The following CRPPA variants were observed in gnomAD, a reference collection of about 807,000 sequenced individuals.
CRPPA encodes the protein D-ribitol-5-phosphate cytidylyltransferase.
Under a neutral mutation model 52.0 loss-of-function variants are expected in CRPPA, and 43 were observed. The ratio of observed to expected loss-of-function variants is 0.83; its 90% CI spans 0.65 to 1.07. CRPPA has a LOEUF of 1.07. Among genes scored for constraint, CRPPA ranks in the 50% least tolerant of loss-of-function variants. The pLI is 0.00. For synonymous variants in CRPPA, 250 were observed against 203.5 expected (o/e 1.23, Z -1.94); for missense variants, 629 against 551.7 (o/e 1.14, Z -1.40).
chr7:16,374,003 C>T (rs778666988), intron 3 of CRPPA, among the ~76,000 whole-genome samples: 2 of 152,116 alleles, frequency 1.3e-5, no homozygotes, highest in African/African-American at 2.4e-5. Flanking sequence ...ACCTTGGTTA[C>T]AATTGCCAGA....
chr7:16,213,316 ATTAT>A, intron 9 of CRPPA, among the ~76,000 whole-genome samples: 1 of 152,322 alleles, frequency 6.6e-6, no homozygotes, highest in African/African-American at 2.4e-5. Flanking sequence ...TACACATAGA[ATTAT>A]TTAAGATTAT....
rs955315297 is a variant in CRPPA, at chr7:16,333,296, A to T, written c.685-24669T>A. Among the ~76,000 whole-genome samples, 3 of 152,318 alleles carry T rather than the reference A, an allele frequency of 2.0e-5. No individual in the cohort carries two copies. The South Asian group carries it at 6.2e-4, about 32-fold the overall frequency. On this transcript the variant is annotated intron_variant, in intron 3 of 9. Coordinates refer to ENST00000407010, the MANE Select transcript of CRPPA (RefSeq NM_001101426.4). ...AGAATTGATATCTATTGACTACTTC[A>T]TCCAACATCATCAAAACACATGTGC...
chr7:16,392,807 C>T (rs918965205), intron 2 of CRPPA, among the ~76,000 whole-genome samples: 1 of 152,074 alleles, frequency 6.6e-6, no homozygotes, highest in African/African-American at 2.4e-5. Context: ...CCCTCTCATA[C>T]ACCCAGCCTC....
intron 8 of CRPPA, among the ~76,000 whole-genome samples, chr7:16,243,789 G>A (rs892892682): frequency 6.6e-6 from 1 of 152,034 alleles, no homozygotes; most frequent in Non-Finnish European, 1.5e-5. Flanking sequence ...AGCACAACAA[G>A]ACCTCATCTC....
chr7:16,363,094 A>G (rs1036356361), intron 3 of CRPPA, among the ~76,000 whole-genome samples: 1 of 152,190 alleles, frequency 6.6e-6, no homozygotes, highest in South Asian at 2.1e-4. Flanking sequence ...TGAAATGTTA[A>G]TTATCAACTA....
intron 5 of CRPPA, among the ~76,000 whole-genome samples, chr7:16,286,069 AT>A (rs1562608541): frequency 0.043 from 1,355 of 31,694 alleles, 132 homozygotes; most frequent in Non-Finnish European, 0.063. Context: ...ATATATATAT[AT>A]ATATATATAT....
intron 3 of CRPPA, among the ~76,000 whole-genome samples, chr7:16,319,216 G>T (rs777729627): frequency 1.6e-4 from 25 of 152,134 alleles, no homozygotes; most frequent in Non-Finnish European, 2.8e-4. Flanking sequence ...GTATGCTTAT[G>T]ACTCATTCAA....
At chr7:16,282,658 G>GA (rs1466825485) in intron 5 of CRPPA, among the ~76,000 whole-genome samples, 2 of 151,960 alleles carry the variant, frequency 1.3e-5, no homozygotes, top group Non-Finnish European at 2.9e-5. Flanking sequence ...CAAAAATTAA[G>GA]AAAAAATATG....
intron 1 of CRPPA, 38 bp from the exon 2 acceptor site, chr7:16,406,375 C>T: frequency 6.4e-7 from 1 of 1,554,950 alleles, no homozygotes; most frequent in Non-Finnish European, 8.8e-7. Context: ...TAAATTAATT[C>T]TTAGACAACT....
intron 8 of CRPPA, among the ~76,000 whole-genome samples, chr7:16,246,248 C>T (rs1218126461): frequency 6.6e-6 from 1 of 152,182 alleles, no homozygotes; most frequent in Admixed American, 6.6e-5. Flanking sequence ...CAAGAAACCA[C>T]TTTCTCTTTG....
At chr7:16,404,118 T>A in intron 2 of CRPPA, among the ~76,000 whole-genome samples, 1 of 152,206 alleles carries the variant, frequency 6.6e-6, no homozygotes, top group East Asian at 1.9e-4. Flanking sequence ...CATGGATGTA[T>A]ATAAAACTCA....
intron 9 of CRPPA, among the ~76,000 whole-genome samples, chr7:16,167,598 G>A (rs976045476): frequency 2.6e-5 from 4 of 152,134 alleles, no homozygotes; most frequent in Admixed American, 1.3e-4. Context: ...AAATGGGCTT[G>A]TGAATATTCC....
At chr7:16,408,116 A>T (rs75711652) in intron 1 of CRPPA, among the ~76,000 whole-genome samples, 4,574 of 149,604 alleles carry the variant, frequency 0.031, 255 homozygotes, top group African/African-American at 0.11. Flanking sequence ...TTTAAAAAAA[A>T]AAAAATAAAA....
intron 5 of CRPPA, among the ~76,000 whole-genome samples, chr7:16,279,459 A>G (rs1175927514): frequency 6.6e-6 from 1 of 152,190 alleles, no homozygotes; most frequent in Non-Finnish European, 1.5e-5. Context: ...CAGAGAAGTA[A>G]TTTGCCCAAG....
At chr7:16,200,014 C>A (rs141046072) in intron 9 of CRPPA, among the ~76,000 whole-genome samples, 3 of 151,914 alleles carry the variant, frequency 2.0e-5, no homozygotes, top group African/African-American at 7.3e-5. Flanking sequence ...GACAACACCA[C>A]GCCCAGTTAA....
At chr7:16,154,299 C>T (rs990979099) in intron 9 of CRPPA, among the ~76,000 whole-genome samples, 1 of 151,958 alleles carries the variant, frequency 6.6e-6, no homozygotes. Context: ...ACGTGTGCCA[C>T]GGTGGTTTGC....
chr7:16,152,024 C>T (rs1458121590), intron 9 of CRPPA, among the ~76,000 whole-genome samples: 1 of 151,828 alleles, frequency 6.6e-6, no homozygotes, highest in Non-Finnish European at 1.5e-5. Context: ...TCTGAAGAAA[C>T]TCAGAATGGC....
chr7:16,264,017 C>T (rs953763738), intron 6 of CRPPA, among the ~76,000 whole-genome samples: 1 of 152,038 alleles, frequency 6.6e-6, no homozygotes, highest in African/African-American at 2.4e-5. Context: ...AATTGAGACT[C>T]TTAATAATTG....
In CRPPA at chr7:16,352,715, T is replaced by C. The variant is rs543637032; in HGVS notation, c.684+23377A>G. Among the ~76,000 whole-genome samples, 194 of 152,238 alleles carry C rather than the reference T, an allele frequency of 1.3e-3. 1 individual carries two copies. The Middle Eastern group carries it at 0.02, about 16-fold the overall frequency. On this transcript the variant is annotated intron_variant, in intron 3 of 9. Coordinates refer to ENST00000407010, the MANE Select transcript of CRPPA (RefSeq NM_001101426.4). ...GAAGTTTCCTCAAAAAATAGAATTA[T>C]TATATGATCCAGCAATCCCACTTCT...
Sources: allele counts gnomAD v4.1 joint callset (sites outside exome capture counted in the v4.1 genomes callset), GRCh38; gene constraint gnomAD v4.1.1; transcripts MANE v1.5; gene names NCBI Gene and HGNC (gene_info 2026-07-23, HGNC 2026-07-21).